The following WWOX variants were observed in gnomAD, a reference collection of about 807,000 sequenced individuals.
The protein encoded by WWOX is WW domain-containing oxidoreductase.
A neutral mutation model predicts 46.2 loss-of-function variants in WWOX; 69 were observed. That is an observed-to-expected ratio of 1.49 (90% confidence interval 1.23 to 1.82). The LOEUF (loss-of-function observed/expected upper bound fraction) is 1.82. Ranked by LOEUF, WWOX falls within the 40% of genes most tolerant of loss-of-function variation. The pLI is 0.00. For synonymous variants in WWOX, 359 were observed against 202.6 expected (o/e 1.77, Z -6.56); for missense variants, 919 against 542.6 (o/e 1.69, Z -6.89).
chr16:78,390,181 C>T (rs1177613478), intron 6 of WWOX, among the ~76,000 whole-genome samples: 1 of 152,204 alleles, frequency 6.6e-6, no homozygotes, highest in East Asian at 1.9e-4. Context: ...CATGTGAGAT[C>T]TCACAATTCA....
intron 8 of WWOX, among the ~76,000 whole-genome samples, chr16:78,659,560 G>T (rs2047164990): frequency 1.3e-5 from 2 of 152,130 alleles, no homozygotes; most frequent in Admixed American, 6.5e-5. Flanking sequence ...AACCTTTCGA[G>T]ACATCATTTG....
At chr16:79,026,596 C>T (rs1055154893) in intron 8 of WWOX, among the ~76,000 whole-genome samples, 1 of 149,462 alleles carries the variant, frequency 6.7e-6, no homozygotes, top group Non-Finnish European at 1.5e-5. Flanking sequence ...GAACACAGAG[C>T]CTGGCATGTG....
At position 78,338,606 on chromosome 16, in the gene WWOX, G is replaced by A. The variant is rs1262625868; in HGVS notation, c.517-48254G>A. Among the ~76,000 whole-genome samples, 2 of 120,832 alleles carry A rather than the reference G, an allele frequency of 1.7e-5. 1 individual carries two copies. Among genetic ancestry groups the A allele is most frequent in the Non-Finnish European group, 3.9e-5 (2 of 50,666 alleles). 79.3% of individuals were successfully genotyped at this position (120,832 alleles called of 152,430 possible). On this transcript the variant is annotated intron_variant, in intron 5 of 8. Transcript: ENST00000566780. ...ATGCCTATTTTCTCCTGAATTTTCT[G>A]ACGGAGTTAGAGATAGGAAAATACC...
At chr16:78,633,118 C>T (rs759892291) in intron 8 of WWOX, among the ~76,000 whole-genome samples, 16 of 151,976 alleles carry the variant, frequency 1.1e-4, no homozygotes, top group East Asian at 2.0e-4. Flanking sequence ...AAAAATTAGC[C>T]GGGTGTGGTG....
chr16:78,212,117 C>T (rs1309825359), intron 5 of WWOX, among the ~76,000 whole-genome samples: 1 of 152,134 alleles, frequency 6.6e-6, no homozygotes, highest in Non-Finnish European at 1.5e-5. Context: ...ACTGCCCTGC[C>T]CAGTCCAGCC....
chr16:79,156,464 A>T (rs888526329), intron 8 of WWOX, among the ~76,000 whole-genome samples: 2 of 152,216 alleles, frequency 1.3e-5, no homozygotes. Flanking sequence ...CCCAGCAACA[A>T]TTGCAGTTTT....
intron 8 of WWOX, among the ~76,000 whole-genome samples, chr16:78,925,101 G>C (rs2045468631): frequency 6.6e-6 from 1 of 152,130 alleles, no homozygotes; most frequent in African/African-American, 2.4e-5. Context: ...AGGCTGAGAT[G>C]GGATGATTGG....
chr16:79,157,574 G>A (rs2050406152), intron 8 of WWOX, among the ~76,000 whole-genome samples: 1 of 152,106 alleles, frequency 6.6e-6, no homozygotes. Flanking sequence ...TTATTATTTG[G>A]TGCACGATGA....
intron 8 of WWOX, among the ~76,000 whole-genome samples, chr16:78,443,227 C>A (rs937196844): frequency 6.6e-6 from 1 of 150,608 alleles, no homozygotes; most frequent in African/African-American, 2.5e-5. Context: ...ATCACATGAA[C>A]CTGGGAGGTG....
intron 8 of WWOX, among the ~76,000 whole-genome samples, chr16:78,830,936 G>A (rs2051803871): frequency 1.3e-5 from 2 of 152,170 alleles, no homozygotes; most frequent in African/African-American, 4.8e-5. Context: ...AAGGGCCATA[G>A]CAATCATTGC....
intron 8 of WWOX, among the ~76,000 whole-genome samples, chr16:78,921,858 A>G (rs889190038): frequency 6.6e-6 from 1 of 152,216 alleles, no homozygotes; most frequent in Admixed American, 6.5e-5. Context: ...GATATTTGCT[A>G]GAAGGACTTG....
At chr16:78,921,354 G>T (rs1023619499) in intron 8 of WWOX, among the ~76,000 whole-genome samples, 1 of 152,122 alleles carries the variant, frequency 6.6e-6, no homozygotes, top group Non-Finnish European at 1.5e-5. Flanking sequence ...CATAATTTCA[G>T]CACCTGCTGA....
rs577511236 is a variant in WWOX at position 78,732,258 on chromosome 16, G to A, written c.1056+299506G>A. Among the ~76,000 whole-genome samples the A allele has an allele frequency of 2.6e-5, 4 of 152,200 alleles. No homozygotes were observed. In the East Asian group the frequency reaches 7.8e-4, roughly 30 times the overall value. On this transcript the variant is annotated intron_variant, in intron 8 of 8. Coordinates refer to ENST00000566780, the MANE Select transcript of WWOX (RefSeq NM_016373.4). Reference sequence around the variant, plus strand: ...CTCTTGAAGTTAGGTCATAAAAGATGATCCTGCTTCCGTCTGGTTGTGTCT... The same window carrying A: ...CTCTTGAAGTTAGGTCATAAAAGATAATCCTGCTTCCGTCTGGTTGTGTCT...
intron 8 of WWOX, among the ~76,000 whole-genome samples, chr16:78,495,147 T>G (rs1011206681): frequency 2.0e-4 from 28 of 141,144 alleles, no homozygotes; most frequent in African/African-American, 7.1e-4. Context: ...GTTGTGTTCT[T>G]TTTTTTTTTT....
chr16:78,858,924 C>T lies in WWOX; in HGVS notation c.1057-352684C>T, dbSNP rs1366520714. Among the ~76,000 whole-genome samples the T allele has an allele frequency of 4.0e-5, 6 of 148,758 alleles. No homozygotes were observed. The South Asian group carries it at 1.3e-3, about 32-fold the overall frequency. On this transcript the variant is annotated intron_variant, in intron 8 of 8. Coordinates refer to ENST00000566780, the MANE Select transcript of WWOX (RefSeq NM_016373.4). ...GAACTCCTGGGCTCAAGTTACCCTC[C>T]CACCTCAGCCTCCCAAAGTGCTGGG... is the stretch of plus-strand genomic sequence containing the variant.
At chr16:78,760,212 C>T (rs954194571) in intron 8 of WWOX, among the ~76,000 whole-genome samples, 3 of 152,114 alleles carry the variant, frequency 2.0e-5, no homozygotes, top group East Asian at 1.9e-4. Flanking sequence ...AGGAGTTTCC[C>T]GTTATAAAAA....
intron 8 of WWOX, among the ~76,000 whole-genome samples, chr16:78,706,294 C>T (rs2048327366): frequency 6.6e-6 from 1 of 152,090 alleles, no homozygotes; most frequent in East Asian, 1.9e-4. Context: ...GTCTCACACA[C>T]ATCCTTCAAC....
At chr16:78,446,424 C>A (rs142854358) in intron 8 of WWOX, among the ~76,000 whole-genome samples, 1 of 152,082 alleles carries the variant, frequency 6.6e-6, no homozygotes, top group East Asian at 1.9e-4. Context: ...CTGCCTCAGG[C>A]GGTTGTTGCA....
intron 8 of WWOX, among the ~76,000 whole-genome samples, chr16:78,524,384 TTTCA>T (rs1287854159): frequency 8.1e-5 from 11 of 135,764 alleles, no homozygotes; most frequent in Admixed American, 1.7e-4. Flanking sequence ...TGACTAGAGA[TTTCA>T]TTTATTTATT....
Sources: allele counts gnomAD v4.1 joint callset (sites outside exome capture counted in the v4.1 genomes callset), GRCh38; gene constraint gnomAD v4.1.1; transcripts MANE v1.5; gene names NCBI Gene and HGNC (gene_info 2026-07-23, HGNC 2026-07-21).